DROSHA: variants seen among roughly 807,000 people sequenced by gnomAD.
DROSHA encodes ribonuclease 3.
A neutral mutation model predicts 181.9 loss-of-function variants in DROSHA; 56 were observed. The observed-to-expected ratio is 0.31, with a 90% CI of 0.25 to 0.38. DROSHA has a LOEUF of 0.38. Among genes scored for constraint, DROSHA ranks in the 10% least tolerant of loss-of-function variants. The pLI, the probability that DROSHA is intolerant of heterozygous loss-of-function variation, is 1.00. For missense variants in DROSHA, 1,218 were observed against 1,743.5 expected, an observed-to-expected ratio of 0.70 and a Z score of 5.37; for synonymous variants, 524 against 591.2, an observed-to-expected ratio of 0.89 and a Z score of 1.65.
At chr5:31,522,292 A>C (rs2150061296) in intron 5 of DROSHA, among the ~76,000 whole-genome samples, 1 of 152,304 alleles carries the variant, frequency 6.6e-6, no homozygotes, top group East Asian at 1.9e-4. Context: ...CACTTCTAAA[A>C]TCAGAGTTTA....
chr5:31,459,243 A>G (rs1226140753), intron 20 of DROSHA, among the ~76,000 whole-genome samples: 1 of 152,138 alleles, frequency 6.6e-6, no homozygotes, highest in Non-Finnish European at 1.5e-5. Context: ...ATAAAATATA[A>G]TACTAGCCAG....
chr5:31,480,178 GTATATATATATA>G (rs55828936), intron 16 of DROSHA, among the ~76,000 whole-genome samples: 40,465 of 84,932 alleles, frequency 0.48, 9,688 homozygotes, highest in South Asian at 0.65. Context: ...GGCAATGTCA[GTATATATATATA>G]TATATATATA....
chr5:31,450,808 C>A (rs752688268), intron 21 of DROSHA, among the ~76,000 whole-genome samples: 35 of 152,066 alleles, frequency 2.3e-4, no homozygotes, highest in Non-Finnish European at 4.6e-4. Flanking sequence ...CCACTTGTAC[C>A]CCTAAATCTA....
intron 17 of DROSHA, 107 bp from the exon 18 acceptor site, chr5:31,468,170 TC>T: frequency 7.5e-7 from 1 of 1,327,034 alleles, no homozygotes; most frequent in Non-Finnish European, 1.0e-6. Context: ...GAAAGCCTTG[TC>T]CCCAAAGGGA....
intron 20 of DROSHA, among the ~76,000 whole-genome samples, chr5:31,453,831 A>G (rs1042461805): frequency 2.6e-5 from 4 of 152,124 alleles, no homozygotes; most frequent in African/African-American, 4.8e-5. Context: ...ACAAGACTTT[A>G]AATTTCTAAC....
At chr5:31,480,206 T>TATATATATATATATATATA (rs1750879348) in intron 16 of DROSHA, among the ~76,000 whole-genome samples, 1 of 48,952 alleles carries the variant, frequency 2.0e-5, no homozygotes, top group Non-Finnish European at 6.4e-5. Flanking sequence ...ATATATATAC[T>TATATATATATATATATATA]GAAAATACTC....
At chr5:31,401,642 T>G in intron 35 of DROSHA, 80 bp from the exon 36 acceptor site, 1 of 934,320 alleles carries the variant, frequency 1.1e-6, no homozygotes, top group Non-Finnish European at 1.4e-6. Context: ...ACTAAACATA[T>G]ACACATACAA....
In DROSHA at chr5:31,409,371, C is replaced by T; in HGVS notation, c.3668-39G>A. ...AATACTTTAAAATAAACCACAATCA[C>T]TGCCATCTATCAGAAAGAGTAAGAG... On this transcript the variant is annotated intron_variant, in intron 31 of 35. Transcript: ENST00000344624. The surrounding 1 kb of genome is among the most constrained non-coding windows in gnomAD (Gnocchi z 4.0). 1 of 1,543,526 alleles carries T rather than the reference C, an allele frequency of 6.5e-7. No individual in the cohort carries two copies. The highest frequency in any genetic ancestry group is 8.8e-7 in the Non-Finnish European group (1 of 1,140,586).
rs771937827 is a variant in DROSHA at position 31,486,598 on chromosome 5, G to A, written c.1843-36C>T. 23 of 1,589,064 alleles carry A rather than the reference G, an allele frequency of 1.4e-5. No homozygotes were observed. The African/African-American group carries it at 1.5e-4, about 10-fold the overall frequency. ...AAGAAGTGAGGTTCAGTTCCCCAAC[G>A]TCTCCCTGCAGGCTCATATTATACA... On this transcript the variant is annotated intron_variant, in intron 13 of 35. Coordinates refer to ENST00000344624, the MANE Select transcript of DROSHA (RefSeq NM_001382508.1).
At chr5:31,488,275 G>A (rs1752014833) in intron 13 of DROSHA, among the ~76,000 whole-genome samples, 1 of 151,858 alleles carries the variant, frequency 6.6e-6, no homozygotes, top group Non-Finnish European at 1.5e-5. Context: ...AAATTAGCTG[G>A]GCGTGGTGGC....
At position 31,470,916 on chromosome 5, in the gene DROSHA, A is replaced by G. The variant is rs1749654664; in HGVS notation, c.2241+1147T>C. The stretch of plus-strand genomic sequence containing the variant: ...AAAGTGACAGAGGGAATATCAATAT[A>G]TGCAACTGTTTTAAGAATAAAAATA... On this transcript the variant is annotated intron_variant, in intron 17 of 35. Transcript: ENST00000344624. This position sits in a 1 kb window ranked among gnomAD's most constrained non-coding sequence, Gnocchi z 4.0. Among the ~76,000 whole-genome samples the G allele has an allele frequency of 6.6e-6, 1 of 152,190 alleles. No homozygotes were observed. Among genetic ancestry groups the G allele is most frequent in the Non-Finnish European group, 1.5e-5 (1 of 68,028 alleles).
chr5:31,406,676 C>T lies in DROSHA; in HGVS notation c.3947+177G>A, dbSNP rs79072011. Among the ~76,000 whole-genome samples, 37 of 152,210 alleles carry T rather than the reference C, an allele frequency of 2.4e-4. No individual in the cohort carries two copies. The East Asian group carries it at 6.9e-3, about 29-fold the overall frequency. On this transcript the variant is annotated intron_variant, in intron 34 of 35. Coordinates refer to ENST00000344624, the MANE Select transcript of DROSHA (RefSeq NM_001382508.1). ...AATGGTATTCCCATGGTCCAGGGCT[C>T]GGCTTTGAGACAATTAATGTGGGGA... is the stretch of plus-strand genomic sequence containing the variant.
Position 31,526,078 on chromosome 5 carries a change from C to T in DROSHA, c.854+1G>A. 1 of 1,579,436 alleles carries T rather than the reference C, an allele frequency of 6.3e-7. No homozygotes were observed. Among genetic ancestry groups the T allele is most frequent in the Non-Finnish European group, 8.6e-7 (1 of 1,157,162 alleles). ...TAAAGAACTACACACAAGCGGTTTA[C>T]CTGCTCCGTTCGTAGCTGCGGTGGC... On this transcript the variant is annotated splice_donor_variant, in intron 5 of 35. Transcript: ENST00000344624. LOFTEE classifies it high-confidence loss of function.
At chr5:31,527,154 G>A (rs549846726) in intron 4 of DROSHA, among the ~76,000 whole-genome samples, 8 of 152,024 alleles carry the variant, frequency 5.3e-5, no homozygotes, top group African/African-American at 1.7e-4. Context: ...TCCCTGGACC[G>A]ACCATTCCTT....
chr5:31,514,852 G>A lies in DROSHA; in HGVS notation c.1290+136C>T. ...GGGTACTACTGGCATCTAACAGGTA[G>A]AGCCCAGAGATGCCGCTAAACATCC... On this transcript the variant is annotated intron_variant, in intron 8 of 35. Transcript: ENST00000344624. This position sits in a 1 kb window ranked among gnomAD's most constrained non-coding sequence, Gnocchi z 4.4. 1.3e-6 allele frequency: 1 copy of A among 743,582 alleles called. No homozygotes were observed. Among genetic ancestry groups the A allele is most frequent in the South Asian group, 1.9e-5 (1 of 52,268 alleles). The allele number at this position is 743,582 out of a possible 1,614,324, so 46.1% of individuals were successfully genotyped here.
chr5:31,506,267 C>T (rs1737929740), intron 10 of DROSHA, among the ~76,000 whole-genome samples: 1 of 150,838 alleles, frequency 6.6e-6, no homozygotes, highest in South Asian at 2.1e-4. Flanking sequence ...GAGGCTGAGG[C>T]AGGGAGAATT....
At chr5:31,525,487 T>C (rs1210343766) in intron 5 of DROSHA, among the ~76,000 whole-genome samples, 5 of 110,798 alleles carry the variant, frequency 4.5e-5, no homozygotes, top group African/African-American at 7.4e-5. Flanking sequence ...CTGGGCAACA[T>C]AGCGAGATTC....
At chr5:31,405,428 C>T (rs1740525934) in intron 35 of DROSHA, among the ~76,000 whole-genome samples, 1 of 151,262 alleles carries the variant, frequency 6.6e-6, no homozygotes, top group East Asian at 1.9e-4. Context: ...AGGTCACCCG[C>T]GCTGAGATTA....
intron 17 of DROSHA, among the ~76,000 whole-genome samples, chr5:31,469,926 T>A (rs2150027832): frequency 6.6e-6 from 1 of 152,180 alleles, no homozygotes. Flanking sequence ...TTTAATAAAT[T>A]TCCCAATATT....
Sources: gnomAD v4.1 joint callset for allele counts (sites outside exome capture counted in the v4.1 genomes callset) on GRCh38, gnomAD v4.1.1 for gene constraint, Gnocchi (gnomAD v3.1) non-coding constraint, MANE v1.5 for transcripts, NCBI Gene and HGNC (gene_info 2026-07-23, HGNC 2026-07-21) for gene names.